UCK2: variants seen among roughly 807,000 people sequenced by gnomAD.
The protein encoded by UCK2 is uridine-cytidine kinase 2, also known as cytidine monophosphokinase 2.
Under a neutral mutation model 30.8 loss-of-function variants are expected in UCK2, and 6 were observed. The ratio of observed to expected loss-of-function variants is 0.19; its 90% CI spans 0.11 to 0.38. The LOEUF (loss-of-function observed/expected upper bound fraction) is 0.38, where lower values mean the gene tolerates loss of function less well. Among genes scored for constraint, UCK2 ranks in the 10% least tolerant of loss-of-function variants. The pLI is 1.00. For missense variants in UCK2, 210 were observed against 339.8 expected, an observed-to-expected ratio of 0.62 and a Z score of 3.00; for synonymous variants, 125 against 133.6, an observed-to-expected ratio of 0.94 and a Z score of 0.45.
chr1:165,862,763 T>G (rs575381905), intron 1 of UCK2, among the ~76,000 whole-genome samples: 1 of 152,286 alleles, frequency 6.6e-6, no homozygotes, highest in African/African-American at 2.4e-5. Flanking sequence ...CTTAGTTTCC[T>G]CTTGTAAATG....
chr1:165,838,937 A>G (rs182262812), intron 1 of UCK2, among the ~76,000 whole-genome samples: 12 of 152,158 alleles, frequency 7.9e-5, no homozygotes, highest in Non-Finnish European at 1.6e-4. Context: ...AATCTCAGCT[A>G]CTCGGGAGGC....
At chr1:165,832,846 C>T (rs537982805) in intron 1 of UCK2, among the ~76,000 whole-genome samples, 153 of 152,222 alleles carry the variant, frequency 1.0e-3, no homozygotes, top group Middle Eastern at 6.8e-3. Flanking sequence ...CTCAGCCTCC[C>T]AAAGTGCTGA....
intron 1 of UCK2, among the ~76,000 whole-genome samples, chr1:165,855,911 T>C (rs1306892197): frequency 6.6e-6 from 1 of 152,176 alleles, no homozygotes; most frequent in Non-Finnish European, 1.5e-5. Context: ...CTGCTTGGCC[T>C]TTTTACGCCC....
rs920674500 is a variant in UCK2 at position 165,827,874 on chromosome 1, A to C, written c.41A>C (p.Gln14Pro). ...GAGCAGACCCTGCAGAACCACCAGCAGCCCAACGGCGGCGAGCCCTTCCTT... is the reference window on the plus strand; with the variant it reads ...GAGCAGACCCTGCAGAACCACCAGCCGCCCAACGGCGGCGAGCCCTTCCTT... ...DSEQTLQNHQ[Q>P]PNGGEPFLIG... Residue 14 changes from glutamine to proline, a missense_variant, in exon 1 of 7, where the codon CAG becomes CCG. By Grantham distance (76) the Gln-to-Pro change is moderately conservative (BLOSUM62 -1). Coordinates refer to ENST00000367879, the MANE Select transcript of UCK2 (RefSeq NM_012474.5). 1 of 1,480,794 alleles carries C rather than the reference A, an allele frequency of 6.8e-7. No individual in the cohort carries two copies. The highest frequency in any genetic ancestry group is 1.4e-5 in the African/African-American group (1 of 69,368). The allele number at this position is 1,480,794 out of a possible 1,614,324, so 91.7% of individuals were successfully genotyped here.
intron 1 of UCK2, among the ~76,000 whole-genome samples, chr1:165,875,609 T>C (rs1403728790): frequency 6.6e-6 from 1 of 152,226 alleles, no homozygotes; most frequent in African/African-American, 2.4e-5. Flanking sequence ...TTCTGATTGA[T>C]TGACTTCAAG....
chr1:165,899,239 A>T (rs1007731102), intron 4 of UCK2, among the ~76,000 whole-genome samples: 1 of 151,886 alleles, frequency 6.6e-6, no homozygotes, highest in Admixed American at 6.6e-5. Flanking sequence ...GAAACCCTTG[A>T]TCTTCTCGGG....
chr1:165,845,309 G>T (rs888867263), intron 1 of UCK2, among the ~76,000 whole-genome samples: 4 of 152,108 alleles, frequency 2.6e-5, no homozygotes, highest in Non-Finnish European at 5.9e-5. Flanking sequence ...AGGCACTTTG[G>T]TTTTTTTCCT....
intron 4 of UCK2, chr1:165,900,714 G>A (rs12091018): frequency 0.061 from 9,306 of 152,706 alleles, 926 homozygotes; most frequent in African/African-American, 0.21. Flanking sequence ...GTGTGCGTGC[G>A]TGCGTTTGTG....
In UCK2 at chr1:165,887,203, T is replaced by G. The variant is rs569353525; in HGVS notation, c.100-3001T>G. On this transcript the variant is annotated intron_variant, in intron 1 of 6. Coordinates refer to ENST00000367879, the MANE Select transcript of UCK2 (RefSeq NM_012474.5). Reference sequence around the variant, plus strand: ...AAGTAATCATTTACACTGTTAGCAGTGGTAGTGTGTTTGTGGAAGGGAAGG... The same window carrying G: ...AAGTAATCATTTACACTGTTAGCAGGGGTAGTGTGTTTGTGGAAGGGAAGG... Among the ~76,000 whole-genome samples the G allele has an allele frequency of 7.9e-4, 121 of 152,246 alleles. 2 individuals are homozygous for G. The South Asian group carries it at 0.025, about 31-fold the overall frequency.
At chr1:165,857,380 T>C (rs879586902) in intron 1 of UCK2, among the ~76,000 whole-genome samples, 18 of 152,112 alleles carry the variant, frequency 1.2e-4, no homozygotes, top group Admixed American at 7.9e-4. Flanking sequence ...ATTGCAAAGA[T>C]GAGTAAGGCA....
At chr1:165,862,113 C>T (rs191797001) in intron 1 of UCK2, among the ~76,000 whole-genome samples, 154 of 152,260 alleles carry the variant, frequency 1.0e-3, no homozygotes, top group Middle Eastern at 3.4e-3. Context: ...AAATACTTGA[C>T]GGAAACCATC....
intron 4 of UCK2, among the ~76,000 whole-genome samples, chr1:165,901,311 G>T (rs756982662): frequency 1.3e-3 from 205 of 152,314 alleles, no homozygotes; most frequent in Non-Finnish European, 2.2e-3. Context: ...AAGTCGAATG[G>T]CAGCATCATT....
intron 1 of UCK2, among the ~76,000 whole-genome samples, chr1:165,878,641 G>A (rs1655399489): frequency 6.6e-6 from 1 of 152,202 alleles, no homozygotes; most frequent in Non-Finnish European, 1.5e-5. Context: ...ACCGTGCCCG[G>A]CTGCCAGCTT....
intron 1 of UCK2, among the ~76,000 whole-genome samples, chr1:165,885,547 GA>G (rs1217105985): frequency 1.3e-5 from 2 of 152,178 alleles, no homozygotes; most frequent in African/African-American, 4.8e-5. Context: ...TAATGTGTTA[GA>G]AGTGGCAGGG....
intron 1 of UCK2, among the ~76,000 whole-genome samples, chr1:165,835,144 A>G (rs1372181904): frequency 6.6e-6 from 1 of 152,034 alleles, no homozygotes; most frequent in Non-Finnish European, 1.5e-5. Flanking sequence ...GGAGATGAGC[A>G]CTGTCTTTGC....
intron 1 of UCK2, among the ~76,000 whole-genome samples, chr1:165,864,630 G>A (rs181080010): frequency 1.8e-3 from 272 of 152,114 alleles, no homozygotes; most frequent in Middle Eastern, 0.01. Flanking sequence ...TATAAGTAAG[G>A]TTTTAGACAA....
chr1:165,852,284 A>G (rs532425067), intron 1 of UCK2, among the ~76,000 whole-genome samples: 1 of 152,340 alleles, frequency 6.6e-6, no homozygotes, highest in African/African-American at 2.4e-5. Flanking sequence ...TGAACAGGCA[A>G]CCTATAGAAT....
In UCK2 at chr1:165,867,716, C is replaced by G. The variant is rs911128233; in HGVS notation, c.100-22488C>G. ...TCAGGTTCCACTTCTAATTCTAGTTCTCTTGCTGTTTCCACTACATCTGCA... is the reference window on the plus strand; with the variant it reads ...TCAGGTTCCACTTCTAATTCTAGTTGTCTTGCTGTTTCCACTACATCTGCA... On this transcript the variant is annotated intron_variant, in intron 1 of 6. Coordinates refer to ENST00000367879, the MANE Select transcript of UCK2 (RefSeq NM_012474.5). Among the ~76,000 whole-genome samples, 150 of 152,322 alleles carry G rather than the reference C, an allele frequency of 9.8e-4. 2 individuals carry two copies. Among genetic ancestry groups the G allele is most frequent in the East Asian group, 3.9e-4 (2 of 5,184 alleles).
At chr1:165,889,104 CTT>C (rs1655698176) in intron 1 of UCK2, among the ~76,000 whole-genome samples, 2 of 152,148 alleles carry the variant, frequency 1.3e-5, no homozygotes, top group Non-Finnish European at 1.5e-5. Context: ...CTTCTCCACT[CTT>C]GTTTGGGATA....
Sources: gnomAD v4.1 joint callset for allele counts (sites outside exome capture counted in the v4.1 genomes callset) on GRCh38, gnomAD v4.1.1 for gene constraint, MANE v1.5 for transcripts, NCBI Gene and HGNC (gene_info 2026-07-23, HGNC 2026-07-21) for gene names.